PIK3CB: variants seen among roughly 807,000 people sequenced by gnomAD.
PIK3CB encodes phosphatidylinositol-4,5-bisphosphate 3-kinase catalytic subunit beta.
Under a neutral mutation model 136.8 loss-of-function variants are expected in PIK3CB, and 39 were observed. That is an observed-to-expected ratio of 0.29 (90% CI 0.22 to 0.37). The LOEUF (loss-of-function observed/expected upper bound fraction) is 0.37, where lower values mean the gene tolerates loss of function less well. Ranked by LOEUF, PIK3CB falls within the 10% of genes least tolerant of loss-of-function variation. PIK3CB has a pLI of 1.00. For missense variants in PIK3CB, 868 were observed against 1,275.4 expected, an observed-to-expected ratio of 0.68 and a Z score of 4.87; for synonymous variants, 428 against 436.6, an observed-to-expected ratio of 0.98 and a Z score of 0.25.
At chr3:138,751,953 A>G (rs554642114) in intron 4 of PIK3CB, among the ~76,000 whole-genome samples, 1 of 148,416 alleles carries the variant, frequency 6.7e-6, no homozygotes, top group Non-Finnish European at 1.5e-5. Context: ...CCTGGGCAAC[A>G]AAGTGAGACT....
At chr3:138,680,599 T>C (rs753614085) in intron 19 of PIK3CB, among the ~76,000 whole-genome samples, 1 of 152,090 alleles carries the variant, frequency 6.6e-6, no homozygotes, top group Non-Finnish European at 1.5e-5. Flanking sequence ...TAATAGTATA[T>C]AAAAATACCT....
chr3:138,817,065 G>A (rs1182922841), intron 1 of PIK3CB, among the ~76,000 whole-genome samples: 6 of 152,012 alleles, frequency 3.9e-5, no homozygotes, highest in East Asian at 1.9e-4. Flanking sequence ...AAGGCCGGGC[G>A]CGGTGGCTCA....
intron 1 of PIK3CB, among the ~76,000 whole-genome samples, chr3:138,828,954 A>ATTTTTTTTTTTT (rs34176247): frequency 7.6e-6 from 1 of 130,846 alleles, no homozygotes; most frequent in Admixed American, 7.9e-5. Context: ...CACCAGGCTA[A>ATTTTTTTTTTTT]TTTTTTTTTT....
intron 1 of PIK3CB, among the ~76,000 whole-genome samples, chr3:138,816,390 T>C (rs1468033179): frequency 6.6e-6 from 1 of 151,924 alleles, no homozygotes; most frequent in Non-Finnish European, 1.5e-5. Flanking sequence ...GGTCAAGAGT[T>C]TGAGACCAGC....
chr3:138,817,787 G>A (rs893305886), intron 1 of PIK3CB, among the ~76,000 whole-genome samples: 3 of 152,120 alleles, frequency 2.0e-5, no homozygotes, highest in Non-Finnish European at 4.4e-5. Context: ...AGGGGAGACA[G>A]GTACACCAAC....
In PIK3CB at chr3:138,785,501, T is replaced by A. The variant is rs531575252; in HGVS notation, c.-17+10962A>T. Among the ~76,000 whole-genome samples, 3 of 152,330 alleles carry A rather than the reference T, an allele frequency of 2.0e-5. No homozygotes were observed. The East Asian group carries it at 5.8e-4, about 29-fold the overall frequency. ...AAATTCTTCTGCCTTGGGATGCTGT[T>A]AATCTATAACCTTACCCCCAACCCC... is the stretch of plus-strand genomic sequence containing the variant. On this transcript the variant is annotated intron_variant, in intron 2 of 23. Transcript: ENST00000674063.
chr3:138,762,322 T>G lies in PIK3CB; in HGVS notation c.-16-2963A>C, dbSNP rs116404588. ...GGGAAATTTAAATATGGATTCATTA[T>G]AAGCTCCTTGAGGAGATATAATGTC... On this transcript the variant is annotated intron_variant, in intron 2 of 23. Transcript: ENST00000674063. Among the ~76,000 whole-genome samples, 575 of 152,362 alleles carry G rather than the reference T, an allele frequency of 3.8e-3. 5 individuals are homozygous for G. Among genetic ancestry groups the G allele is most frequent in the African/African-American group, 0.013 (552 of 41,590 alleles).
chr3:138,672,367 A>C (rs1464914184), intron 19 of PIK3CB, among the ~76,000 whole-genome samples: 1 of 152,200 alleles, frequency 6.6e-6, no homozygotes. Flanking sequence ...GATGGTCTGA[A>C]GGCAGGGAGT....
intron 12 of PIK3CB, among the ~76,000 whole-genome samples, chr3:138,700,693 AG>A (rs1218639266): frequency 5.3e-4 from 2 of 3,766 alleles, no homozygotes; most frequent in Non-Finnish European, 7.4e-4. Context: ...GACTCTAAAA[AG>A]ATAGATAGAT....
At chr3:138,659,960 C>T (rs1404222004) in intron 21 of PIK3CB, among the ~76,000 whole-genome samples, 2 of 146,636 alleles carry the variant, frequency 1.4e-5, no homozygotes, top group African/African-American at 5.0e-5. Context: ...ACTGCAAGCT[C>T]CACCTCCCAG....
chr3:138,767,283 T>C (rs1344723845), intron 2 of PIK3CB, among the ~76,000 whole-genome samples: 1 of 152,334 alleles, frequency 6.6e-6, no homozygotes, highest in East Asian at 1.9e-4. Context: ...TATACAAAAC[T>C]GTCCAGTGTA....
Position 138,665,062 on chromosome 3 carries a change from C to G in PIK3CB, c.2646G>C (p.Leu882=). ...CAGAGTTGTATTCTTTAAGCCAGTT[C>G]AGAAGGGCATCTTTGTTGAAGGCTG... is the stretch of plus-strand genomic sequence containing the variant. ...AAAAFNKDAL[L]NWLKEYNSGD... Residue 882 remains leucine (L), a synonymous_variant, in exon 20 of 24, where the codon CTG becomes CTC. Transcript: ENST00000674063. 1 of 1,611,768 alleles carries G rather than the reference C, an allele frequency of 6.2e-7. No homozygotes were observed. Among genetic ancestry groups the G allele is most frequent in the East Asian group, 2.2e-5 (1 of 44,828 alleles).
chr3:138,677,382 A>G (rs963211626), intron 19 of PIK3CB, among the ~76,000 whole-genome samples: 13 of 152,160 alleles, frequency 8.5e-5, no homozygotes, highest in African/African-American at 3.1e-4. Context: ...GGGTAATATA[A>G]ATTCATTTTC....
At chr3:138,688,854 A>G (rs1268265534) in intron 16 of PIK3CB, 21 bp downstream of exon 16, 2 of 1,505,432 alleles carry the variant, frequency 1.3e-6, no homozygotes, top group Non-Finnish European at 1.8e-6. Context: ...GAAAAAATGA[A>G]TAAATAAAAC....
At chr3:138,788,989 A>G (rs1357973412) in intron 2 of PIK3CB, among the ~76,000 whole-genome samples, 1 of 144,496 alleles carries the variant, frequency 6.9e-6, no homozygotes, top group Non-Finnish European at 1.5e-5. Flanking sequence ...AAAAAAAAAA[A>G]AAACAAAAAA....
intron 2 of PIK3CB, among the ~76,000 whole-genome samples, chr3:138,771,095 T>C (rs546840979): frequency 9.8e-5 from 15 of 152,338 alleles, no homozygotes; most frequent in Admixed American, 4.6e-4. Context: ...TTGATTCATC[T>C]GGGCTTTGGT....
intron 8 of PIK3CB, among the ~76,000 whole-genome samples, chr3:138,726,133 T>C (rs911522489): frequency 2.0e-5 from 3 of 152,210 alleles, no homozygotes; most frequent in Non-Finnish European, 4.4e-5. Context: ...ATTAACCAGT[T>C]TGAGACTTGG....
intron 23 of PIK3CB, 36 bp downstream of exon 23, chr3:138,656,106 A>C (rs2043187150): frequency 6.2e-7 from 1 of 1,608,086 alleles, no homozygotes; most frequent in African/African-American, 1.3e-5. Context: ...CTCAATGCCC[A>C]CAAAGTCCAA....
At chr3:138,816,495 G>A (rs1468864741) in intron 1 of PIK3CB, among the ~76,000 whole-genome samples, 1 of 152,020 alleles carries the variant, frequency 6.6e-6, no homozygotes, top group African/African-American at 2.4e-5. Context: ...TCAGGAGGCT[G>A]AGGCAGGAGA....
Sources: gnomAD v4.1 joint callset for allele counts (sites outside exome capture counted in the v4.1 genomes callset) on GRCh38, gnomAD v4.1.1 for gene constraint, MANE v1.5 for transcripts, NCBI Gene and HGNC (gene_info 2026-07-23, HGNC 2026-07-21) for gene names.